ARSJ: variants seen among roughly 807,000 people sequenced by gnomAD.
ARSJ encodes the protein arylsulfatase family member J, also known as arylsulfatase J.
Under a neutral mutation model 35.9 loss-of-function variants are expected in ARSJ, and 26 were observed. The observed-to-expected ratio is 0.72, with a 90% CI of 0.53 to 1.00. The LOEUF is 1.00. Ranked by LOEUF, ARSJ falls within the 50% of genes least tolerant of loss-of-function variation. ARSJ has a pLI of 0.00. For synonymous variants in ARSJ, 294 were observed against 267.6 expected (o/e 1.10, Z -0.96); for missense variants, 667 against 723.6 (o/e 0.92, Z 0.90).
At chr4:113,907,354 C>CT (rs936319821) in intron 1 of ARSJ, among the ~76,000 whole-genome samples, 6 of 152,000 alleles carry the variant, frequency 3.9e-5, no homozygotes, top group African/African-American at 1.4e-4. Flanking sequence ...GCTTCATTGT[C>CT]TTTTTTTAAA....
At position 113,979,113 on chromosome 4, in the gene ARSJ, A is replaced by C. The variant is rs1727778671; in HGVS notation, c.-279T>G. 3.0e-6 allele frequency: 1 copy of C among 337,860 alleles called. No individual in the cohort carries two copies. The highest frequency in any genetic ancestry group is 5.4e-6 in the Non-Finnish European group (1 of 185,810). 20.9% of individuals were successfully genotyped at this position (337,860 alleles called of 1,614,324 possible). A position where few individuals can be genotyped will look rare whatever the true frequency, so the allele number is the denominator to read the frequency against. ...AGCAGCTTCCACCAAGGAAAAAAAA[A>C]AGAAAAAAGTTAATATCTCCACCCA... On this transcript the variant is annotated 5_prime_UTR_variant, in exon 1 of 2. Coordinates refer to ENST00000315366, the MANE Select transcript of ARSJ (RefSeq NM_024590.4).
intron 1 of ARSJ, among the ~76,000 whole-genome samples, chr4:113,931,025 T>C (rs1478283231): frequency 7.5e-6 from 1 of 132,504 alleles, no homozygotes; most frequent in Non-Finnish European, 1.6e-5. Flanking sequence ...GGGACTGTGG[T>C]GGGGTGGGGG....
At chr4:113,940,921 C>T (rs981415321) in intron 1 of ARSJ, among the ~76,000 whole-genome samples, 9 of 151,950 alleles carry the variant, frequency 5.9e-5, no homozygotes, top group African/African-American at 1.9e-4. Context: ...GTCCTCTACA[C>T]AACTGATTTC....
chr4:113,954,435 T>C (rs964223557), intron 1 of ARSJ, among the ~76,000 whole-genome samples: 1 of 152,076 alleles, frequency 6.6e-6, no homozygotes, highest in African/African-American at 2.4e-5. Context: ...AAAATACAGA[T>C]TTTAAATACT....
chr4:113,902,286 A>G lies in ARSJ; in HGVS notation c.1788T>C (p.Val596=). 6.2e-7 allele frequency: 1 copy of G among 1,610,802 alleles called. No individual in the cohort carries two copies. Among genetic ancestry groups the G allele is most frequent in the Non-Finnish European group, 8.5e-7 (1 of 1,180,008 alleles). The change falls in exon 2 of 2, where the codon GTT becomes GTC. Residue 596 remains valine (V), a synonymous_variant. Coordinates refer to ENST00000315366, the MANE Select transcript of ARSJ (RefSeq NM_024590.4). ...AVSGSTCHSG[V]TCG The stretch of plus-strand genomic sequence containing the variant: ...GAAATATTTGTGCTTATCCACAAGT[A>G]ACACCTGAATGGCAAGTTGAACCTG...
intron 1 of ARSJ, among the ~76,000 whole-genome samples, chr4:113,969,817 C>A (rs982605678): frequency 2.6e-5 from 4 of 152,144 alleles, no homozygotes; most frequent in Admixed American, 6.5e-5. Flanking sequence ...TTCATTCATT[C>A]TTCACACATT....
At chr4:113,933,523 T>C (rs372932181) in intron 1 of ARSJ, among the ~76,000 whole-genome samples, 2 of 151,850 alleles carry the variant, frequency 1.3e-5, no homozygotes, top group East Asian at 3.9e-4. Context: ...GATTTCATCC[T>C]AGGGATGCAA....
chr4:113,916,305 T>G lies in ARSJ; in HGVS notation c.399-12630A>C, dbSNP rs189580320. ...AGAATGCCTGGATTTGAATTCTGCC[T>G]CTATAGGCTGTGTAACCTTGAGCAT... On this transcript the variant is annotated intron_variant, in intron 1 of 1. Coordinates refer to ENST00000315366, the MANE Select transcript of ARSJ (RefSeq NM_024590.4). Among the ~76,000 whole-genome samples, 4 of 152,160 alleles carry G rather than the reference T, an allele frequency of 2.6e-5. No homozygotes were observed. In the East Asian group the frequency reaches 7.7e-4, roughly 29 times the overall value.
At chr4:113,938,543 T>C (rs115733092) in intron 1 of ARSJ, among the ~76,000 whole-genome samples, 2,415 of 151,976 alleles carry the variant, frequency 0.016, 68 homozygotes, top group African/African-American at 0.055. Flanking sequence ...ACAAATAGAA[T>C]CTAAGTAAAA....
Position 113,903,447 on chromosome 4 carries a change from G to A in ARSJ, c.627C>T (p.His209=). 1 of 1,614,158 alleles carries A rather than the reference G, an allele frequency of 6.2e-7. No individual in the cohort carries two copies. The highest frequency in any genetic ancestry group is 8.5e-7 in the Non-Finnish European group (1 of 1,180,012). ...ACATCCCAGGACTGTCACATTTGTA[G>A]TGTGTATAGTAATCCCCACTTCCCA... ...SLLGSGDYYT[H]YKCDSPGMCG... Residue 209 remains histidine, a synonymous_variant, in exon 2 of 2, where the codon CAC becomes CAT. Transcript: ENST00000315366.
In ARSJ at chr4:113,903,032, A is replaced by G. The variant is rs755893198; in HGVS notation, c.1042T>C (p.Tyr348His). The change falls in exon 2 of 2, where the codon TAT becomes CAT. Residue 348 changes from tyrosine to histidine, a missense_variant. By Grantham distance (83) the Tyr-to-His change is moderately conservative. Coordinates refer to ENST00000315366, the MANE Select transcript of ARSJ (RefSeq NM_024590.4). Reference protein sequence around the residue: ...NWPLRGSKGTYWEGGIRAVGF... With the variant: ...NWPLRGSKGTHWEGGIRAVGF... ...ACAGCCCGGATCCCTCCTTCCCAATATGTTCCTTTGCTACCTCTGAGAGGC... is the reference window on the plus strand; with the variant it reads ...ACAGCCCGGATCCCTCCTTCCCAATGTGTTCCTTTGCTACCTCTGAGAGGC... 10 of 1,613,838 alleles carry G rather than the reference A, an allele frequency of 6.2e-6. No homozygotes were observed. Among genetic ancestry groups the G allele is most frequent in the Non-Finnish European group, 7.6e-6 (9 of 1,179,962 alleles).
intron 1 of ARSJ, among the ~76,000 whole-genome samples, chr4:113,928,522 T>C (rs1032870478): frequency 1.1e-4 from 17 of 152,186 alleles, no homozygotes; most frequent in African/African-American, 3.9e-4. Flanking sequence ...ATTTCACTTC[T>C]AGGAACACTG....
chr4:113,950,194 C>T (rs1725769095), intron 1 of ARSJ, among the ~76,000 whole-genome samples: 1 of 152,120 alleles, frequency 6.6e-6, no homozygotes, highest in Admixed American at 6.6e-5. Flanking sequence ...GAAAGAACAG[C>T]TTCTCCTTTT....
chr4:113,944,729 A>G (rs974386543), intron 1 of ARSJ, among the ~76,000 whole-genome samples: 8 of 152,044 alleles, frequency 5.3e-5, no homozygotes, highest in East Asian at 1.9e-4. Flanking sequence ...AGTAATACAA[A>G]TGATTTTTGC....
chr4:113,904,131 G>A (rs2099667998), intron 1 of ARSJ, among the ~76,000 whole-genome samples: 1 of 151,116 alleles, frequency 6.6e-6, no homozygotes, highest in Middle Eastern at 3.2e-3. Context: ...GTTTCACCAT[G>A]TTGGCCAGGC....
chr4:113,956,610 T>C (rs1241007951), intron 1 of ARSJ, among the ~76,000 whole-genome samples: 2 of 152,066 alleles, frequency 1.3e-5, no homozygotes, highest in Non-Finnish European at 2.9e-5. Flanking sequence ...TCTGCAGGAA[T>C]AAGCAAAGGA....
intron 1 of ARSJ, among the ~76,000 whole-genome samples, chr4:113,931,005 T>C (rs1724408950): frequency 6.7e-6 from 1 of 149,494 alleles, no homozygotes; most frequent in Non-Finnish European, 1.5e-5. Context: ...AAGGGGAATA[T>C]GACACTCTGG....
At position 113,951,234 on chromosome 4, in the gene ARSJ, G is replaced by A. The variant is rs566210920; in HGVS notation, c.398+27203C>T. ...AAGGTTCTCATTTGGATTAATCCAG[G>A]CTCTTCTTGTCTGGAATCTTAACAA... On this transcript the variant is annotated intron_variant, in intron 1 of 1. Coordinates refer to ENST00000315366, the MANE Select transcript of ARSJ (RefSeq NM_024590.4). Among the ~76,000 whole-genome samples the A allele has an allele frequency of 1.6e-3, 238 of 152,106 alleles. 1 individual carries two copies. The highest frequency in any genetic ancestry group is 2.7e-3 in the Non-Finnish European group (182 of 67,956).
At chr4:113,919,030 A>AT (rs1723499941) in intron 1 of ARSJ, among the ~76,000 whole-genome samples, 1 of 152,060 alleles carries the variant, frequency 6.6e-6, no homozygotes, top group Admixed American at 6.6e-5. Context: ...CAGTGGTGAA[A>AT]TTTTTCCATA....
Sources: gnomAD v4.1 joint callset for allele counts (sites outside exome capture counted in the v4.1 genomes callset) on GRCh38, gnomAD v4.1.1 for gene constraint, MANE v1.5 for transcripts, NCBI Gene and HGNC (gene_info 2026-07-23, HGNC 2026-07-21) for gene names.